CCM2: variants seen among roughly 807,000 people sequenced by gnomAD.
The protein encoded by CCM2 is CCM2 scaffold protein.
Under a neutral mutation model 44.9 loss-of-function variants are expected in CCM2, and 25 were observed. That is an observed-to-expected ratio of 0.56 (90% CI 0.41 to 0.78). The LOEUF (loss-of-function observed/expected upper bound fraction) is 0.78, where lower values mean the gene tolerates loss of function less well. CCM2 is among the 30% of genes least tolerant of loss of function. The pLI, the probability that CCM2 is intolerant of heterozygous loss-of-function variation, is 0.00. For missense variants in CCM2, 481 were observed against 580.6 expected, an observed-to-expected ratio of 0.83 and a Z score of 1.76; for synonymous variants, 219 against 241.1, an observed-to-expected ratio of 0.91 and a Z score of 0.85.
chr7:45,042,928 G>C (rs763948141), intron 2 of CCM2, among the ~76,000 whole-genome samples: 2 of 149,840 alleles, frequency 1.3e-5, no homozygotes, highest in Non-Finnish European at 3.0e-5. Context: ...GAACTCTTCT[G>C]TTCTCTCTTC....
In CCM2 at chr7:45,076,231, G is replaced by C; in HGVS notation, c.*174G>C. Reference sequence around the variant, plus strand: ...CTGTGAAGGAGCAGGGAGCTGCCGAGGGACACGAGCCTCAGTGCGGGGTGG... The same window carrying C: ...CTGTGAAGGAGCAGGGAGCTGCCGACGGACACGAGCCTCAGTGCGGGGTGG... On this transcript the variant is annotated 3_prime_UTR_variant, in exon 10 of 10. Transcript: ENST00000258781. 1.1e-6 allele frequency: 1 copy of C among 889,578 alleles called. No homozygotes were observed. Among genetic ancestry groups the C allele is most frequent in the East Asian group, 2.6e-5 (1 of 37,822 alleles). 55.1% of individuals were successfully genotyped at this position (889,578 alleles called of 1,614,324 possible). A position where few individuals can be genotyped will look rare whatever the true frequency, so the allele number is the denominator to read the frequency against.
At chr7:45,000,614 C>T (rs1297916103) in intron 1 of CCM2, among the ~76,000 whole-genome samples, 1 of 152,196 alleles carries the variant, frequency 6.6e-6, no homozygotes, top group Non-Finnish European at 1.5e-5. Context: ...AGACGGCCTT[C>T]CCTGCGCGTC....
intron 1 of CCM2, among the ~76,000 whole-genome samples, chr7:45,004,182 GA>G (rs746012181): frequency 6.8e-4 from 103 of 151,160 alleles, no homozygotes; most frequent in African/African-American, 2.2e-3. Flanking sequence ...AAGAAAAAGA[GA>G]AAAAAAAGGT....
chr7:45,058,689 A>G (rs1038236269), intron 2 of CCM2, among the ~76,000 whole-genome samples: 1 of 151,988 alleles, frequency 6.6e-6, no homozygotes, highest in Non-Finnish European at 1.5e-5. Context: ...TTTGTCATGA[A>G]TGGGTGTTAG....
chr7:45,041,164 C>G (rs143243355), intron 2 of CCM2, among the ~76,000 whole-genome samples: 33 of 152,150 alleles, frequency 2.2e-4, no homozygotes, highest in African/African-American at 7.7e-4. Flanking sequence ...TAAGTATAGA[C>G]TATATGTTTG....
At chr7:45,066,879 AAAAGT>A (rs1296589307) in intron 4 of CCM2, among the ~76,000 whole-genome samples, 2 of 151,794 alleles carry the variant, frequency 1.3e-5, no homozygotes, top group African/African-American at 4.8e-5. Flanking sequence ...AAAAAAGAAA[AAAAGT>A]AAAGGGAAAC....
chr7:45,015,978 C>T (rs886654184), intron 1 of CCM2, among the ~76,000 whole-genome samples: 148 of 152,348 alleles, frequency 9.7e-4, no homozygotes, highest in African/African-American at 3.2e-3. Flanking sequence ...TTTATCCCTC[C>T]TTTTATCATT....
chr7:45,074,079 T>C, intron 8 of CCM2, 191 bp from the exon 9 acceptor site: 1 of 1,312,684 alleles, frequency 7.6e-7, no homozygotes, highest in Non-Finnish European at 1.0e-6. Context: ...CTTGGTCTCC[T>C]CTGGGTGGCC....
intron 6 of CCM2, 111 bp from the exon 7 acceptor site, chr7:45,072,615 T>C (rs1799133779): frequency 2.4e-6 from 2 of 839,702 alleles, no homozygotes; most frequent in African/African-American, 1.7e-5. Context: ...GCAGGGTCCC[T>C]GAAGACCAGG....
chr7:45,002,532 C>T (rs1247938073), intron 1 of CCM2, among the ~76,000 whole-genome samples: 1 of 150,632 alleles, frequency 6.6e-6, no homozygotes, highest in Non-Finnish European at 1.5e-5. Context: ...TAATCTCAGA[C>T]ACTTGTCTTG....
chr7:45,008,388 C>CAG (rs1283374661), intron 1 of CCM2, among the ~76,000 whole-genome samples: 45 of 110,506 alleles, frequency 4.1e-4, no homozygotes, highest in African/African-American at 1.7e-3. Context: ...TTTTTTGAGA[C>CAG]AGTTTTGCTC....
chr7:45,051,383 G>GTATGTATTTATT (rs1797995773), intron 2 of CCM2, among the ~76,000 whole-genome samples: 1 of 150,520 alleles, frequency 6.6e-6, no homozygotes, highest in Admixed American at 6.6e-5. Flanking sequence ...GGATGCTTGG[G>GTATGTATTTATT]TATTTATTTA....
chr7:45,029,945 G>C (rs2119054), intron 1 of CCM2, among the ~76,000 whole-genome samples: 1 of 152,236 alleles, frequency 6.6e-6, no homozygotes, highest in African/African-American at 2.4e-5. Flanking sequence ...GCATCTTCCA[G>C]AGTGAGTTTA....
At position 45,073,773 on chromosome 7, in the gene CCM2, T is replaced by C. The variant is rs1799206743; in HGVS notation, c.915+202T>C. The C allele has an allele frequency of 1.5e-5, 9 of 591,396 alleles. No homozygotes were observed. In the South Asian group the frequency reaches 1.8e-4, roughly 12 times the overall value. 36.6% of individuals were successfully genotyped at this position (591,396 alleles called of 1,614,324 possible). A position where few individuals can be genotyped will look rare whatever the true frequency, so the allele number is the denominator to read the frequency against. On this transcript the variant is annotated intron_variant, in intron 8 of 9. Coordinates refer to ENST00000258781, the MANE Select transcript of CCM2 (RefSeq NM_031443.4). ...GAGAGCATCAGTCAGTGGGGCTGAGTTGGGAGTGCTGTGGCCGTCAGGGCT... is the reference window on the plus strand; with the variant it reads ...GAGAGCATCAGTCAGTGGGGCTGAGCTGGGAGTGCTGTGGCCGTCAGGGCT...
At chr7:45,064,409 C>T in intron 3 of CCM2, 54 bp from the exon 4 acceptor site, 1 of 1,571,380 alleles carries the variant, frequency 6.4e-7, no homozygotes, top group Non-Finnish European at 8.7e-7. Context: ...GAGAAGCGCC[C>T]CATGCCGGTT....
chr7:45,076,153 T>G lies in CCM2; in HGVS notation c.*96T>G. 6.4e-7 allele frequency: 1 copy of G among 1,564,714 alleles called. No individual in the cohort carries two copies. The highest frequency in any genetic ancestry group is 8.7e-7 in the Non-Finnish European group (1 of 1,155,180). On this transcript the variant is annotated 3_prime_UTR_variant, in exon 10 of 10. Coordinates refer to ENST00000258781, the MANE Select transcript of CCM2 (RefSeq NM_031443.4). ...AGACCTGCGTGTCAGCCCTTGGTGG[T>G]GGCCAGGGAGAGGCGCCCGGTGCAG...
intron 2 of CCM2, among the ~76,000 whole-genome samples, chr7:45,040,984 G>A (rs1220024418): frequency 1.3e-5 from 2 of 151,990 alleles, no homozygotes; most frequent in East Asian, 1.9e-4. Context: ...CGTGAGACGC[G>A]GTCTTCAAAA....
chr7:45,054,298 C>T (rs1171752014), intron 2 of CCM2, among the ~76,000 whole-genome samples: 1 of 151,996 alleles, frequency 6.6e-6, no homozygotes, highest in Non-Finnish European at 1.5e-5. Context: ...GGGGATAGGT[C>T]ACTTCTGTAG....
chr7:45,027,647 T>A, intron 1 of CCM2: 1 of 1,613,824 alleles, frequency 6.2e-7, no homozygotes, highest in Admixed American at 1.7e-5. Flanking sequence ...CATGTTTTTT[T>A]CAGAGGGAGG....
Sources: gnomAD v4.1 joint callset for allele counts (sites outside exome capture counted in the v4.1 genomes callset) on GRCh38, gnomAD v4.1.1 for gene constraint, MANE v1.5 for transcripts, NCBI Gene and HGNC (gene_info 2026-07-23, HGNC 2026-07-21) for gene names.